RPSA2: variants seen among roughly 807,000 people sequenced by gnomAD.
The protein encoded by RPSA2 is small ribosomal subunit protein uS2B.
the RPSA2 span, among the ~76,000 whole-genome samples, chr19:23,813,184 T>C: frequency 1.3e-5 from 2 of 148,912 alleles, no homozygotes. Flanking sequence ...CAGTGAGCCA[T>C]AATTGTGCCA....
the RPSA2 span, among the ~76,000 whole-genome samples, chr19:23,815,081 A>G: frequency 6.6e-6 from 1 of 152,166 alleles, no homozygotes; most frequent in Non-Finnish European, 1.5e-5. Context: ...TTTAACTCCA[A>G]GTGATCCTCC....
the RPSA2 span, among the ~76,000 whole-genome samples, chr19:23,797,947 T>G: frequency 6.6e-6 from 1 of 152,168 alleles, no homozygotes; most frequent in Non-Finnish European, 1.5e-5. Flanking sequence ...TAAGAGAAAA[T>G]ATCTTACTAA....
the RPSA2 span, among the ~76,000 whole-genome samples, chr19:23,774,811 T>G: frequency 6.6e-6 from 1 of 152,116 alleles, no homozygotes; most frequent in Non-Finnish European, 1.5e-5. Flanking sequence ...CAGGAGGAAA[T>G]TGAACTTATC....
chr19:23,769,124 T>G, the RPSA2 span, among the ~76,000 whole-genome samples: 183 of 152,344 alleles, frequency 1.2e-3, 2 homozygotes, highest in African/African-American at 4.0e-3. Flanking sequence ...ACTGTGTGAC[T>G]CTCTTCTCCC....
the RPSA2 span, among the ~76,000 whole-genome samples, chr19:23,776,903 C>T: frequency 6.6e-6 from 1 of 152,190 alleles, no homozygotes; most frequent in Non-Finnish European, 1.5e-5. Flanking sequence ...CTCCCCTCTC[C>T]TACCCTGTGT....
At chr19:23,865,179 T>C in the RPSA2 span, among the ~76,000 whole-genome samples, 1 of 152,166 alleles carries the variant, frequency 6.6e-6, no homozygotes, top group East Asian at 1.9e-4. Context: ...GGATATAAGG[T>C]CAGTGCTCTA....
At chr19:23,847,565 C>T in the RPSA2 span, among the ~76,000 whole-genome samples, 1 of 152,118 alleles carries the variant, frequency 6.6e-6, no homozygotes, top group Non-Finnish European at 1.5e-5. Context: ...AGATCACGTG[C>T]TTCAAAGGGC....
the RPSA2 span, among the ~76,000 whole-genome samples, chr19:23,860,556 C>T: frequency 6.6e-6 from 1 of 152,078 alleles, no homozygotes; most frequent in East Asian, 1.9e-4. Context: ...GTTCTAGAGC[C>T]TGGTACCAGG....
chr19:23,801,199 A>G, the RPSA2 span, among the ~76,000 whole-genome samples: 3 of 152,066 alleles, frequency 2.0e-5, no homozygotes, highest in Non-Finnish European at 1.5e-5. Context: ...AAAAAACAAA[A>G]CAAAACAAAA....
At chr19:23,846,558 G>T in the RPSA2 span, among the ~76,000 whole-genome samples, 4 of 152,058 alleles carry the variant, frequency 2.6e-5, no homozygotes, top group African/African-American at 2.4e-5. Flanking sequence ...CAGTCTATTG[G>T]TAGTTAGTTT....
At chr19:23,864,680 G>T in the RPSA2 span, among the ~76,000 whole-genome samples, 1 of 152,038 alleles carries the variant, frequency 6.6e-6, no homozygotes, top group African/African-American at 2.4e-5. Flanking sequence ...TATTCACAAG[G>T]TAATTATCTG....
chr19:23,785,470 C>A, the RPSA2 span, among the ~76,000 whole-genome samples: 1 of 152,108 alleles, frequency 6.6e-6, no homozygotes. Flanking sequence ...GAAAAATTAT[C>A]ACTAGGCCCA....
the RPSA2 span, among the ~76,000 whole-genome samples, chr19:23,870,883 G>C: frequency 6.6e-6 from 1 of 152,186 alleles, no homozygotes; most frequent in African/African-American, 2.4e-5. Context: ...TGTTTATCAT[G>C]AATGCAGAAT....
the RPSA2 span, among the ~76,000 whole-genome samples, chr19:23,863,144 G>C: frequency 6.6e-6 from 1 of 152,156 alleles, no homozygotes; most frequent in Non-Finnish European, 1.5e-5. Context: ...AAGAGAAATA[G>C]AAACACTTAA....
At chr19:23,870,039 T>G in the RPSA2 span, among the ~76,000 whole-genome samples, 1 of 152,202 alleles carries the variant, frequency 6.6e-6, no homozygotes, top group South Asian at 2.1e-4. Context: ...TGGGTCACAT[T>G]CCTGGGCTAT....
the RPSA2 span, among the ~76,000 whole-genome samples, chr19:23,866,404 C>T: frequency 1.3e-5 from 2 of 152,042 alleles, no homozygotes; most frequent in Non-Finnish European, 2.9e-5. Flanking sequence ...TAAAAGGAGC[C>T]AAGGATCAAA....
chr19:23,843,955 C>G, the RPSA2 span, among the ~76,000 whole-genome samples: 1 of 152,110 alleles, frequency 6.6e-6, no homozygotes, highest in Non-Finnish European at 1.5e-5. Flanking sequence ...GATGGGGTTT[C>G]TTCATGTTGT....
chr19:23,841,223 G>T, the RPSA2 span, among the ~76,000 whole-genome samples: 3 of 151,958 alleles, frequency 2.0e-5, no homozygotes, highest in Non-Finnish European at 4.4e-5. Flanking sequence ...TGTATTATTT[G>T]GGAGGCCGAG....
At chr19:23,778,477 G>C in the RPSA2 span, among the ~76,000 whole-genome samples, 2 of 152,142 alleles carry the variant, frequency 1.3e-5, no homozygotes, top group Admixed American at 6.6e-5. Context: ...GCCCCCCAGA[G>C]TACTGGGATT....
Sources: allele counts gnomAD v4.1 joint callset (sites outside exome capture counted in the v4.1 genomes callset), GRCh38; gene constraint gnomAD v4.1.1; transcripts MANE v1.5; gene names NCBI Gene and HGNC (gene_info 2026-07-23, HGNC 2026-07-21).